BAIAP2L2: variants seen among roughly 807,000 people sequenced by gnomAD.
The protein encoded by BAIAP2L2 is BAR/IMD domain containing adaptor protein 2 like 2.
BAIAP2L2 carries 65 observed loss-of-function variants against 60.4 expected under a neutral mutation model. The observed-to-expected ratio is 1.08, with a 90% CI of 0.88 to 1.32. The LOEUF is 1.32. Among genes scored for constraint, BAIAP2L2 ranks in the 40% most tolerant of loss-of-function variants. The pLI is 0.00. For synonymous variants in BAIAP2L2, 344 were observed against 301.7 expected (o/e 1.14, Z -1.45); for missense variants, 836 against 741.2 (o/e 1.13, Z -1.48).
At chr22:38,092,974 C>T (rs1289099514) in intron 7 of BAIAP2L2, among the ~76,000 whole-genome samples, 1 of 152,048 alleles carries the variant, frequency 6.6e-6, no homozygotes, top group Non-Finnish European at 1.5e-5. Context: ...CAAGACCAGC[C>T]TGGCCAACAT....
At chr22:38,101,402 C>G (rs1417830452) in intron 4 of BAIAP2L2, among the ~76,000 whole-genome samples, 1 of 103,984 alleles carries the variant, frequency 9.6e-6, no homozygotes, top group Non-Finnish European at 1.9e-5. Context: ...AAAAAAAAAG[C>G]CAGACGTGGT....
chr22:38,104,439 T>C (rs1277726214), intron 4 of BAIAP2L2, among the ~76,000 whole-genome samples: 2 of 150,472 alleles, frequency 1.3e-5, no homozygotes, highest in Non-Finnish European at 3.0e-5. Context: ...ACAGACAAAG[T>C]GTAAGGAAAA....
chr22:38,088,423 A>G (rs1012428955), intron 10 of BAIAP2L2, among the ~76,000 whole-genome samples: 16 of 152,346 alleles, frequency 1.1e-4, no homozygotes, highest in African/African-American at 3.8e-4. Flanking sequence ...GCAGAGGGGA[A>G]GCAGCCTCCT....
intron 4 of BAIAP2L2, among the ~76,000 whole-genome samples, chr22:38,102,986 C>A (rs895301031): frequency 2.0e-5 from 3 of 151,020 alleles, no homozygotes; most frequent in African/African-American, 7.3e-5. Flanking sequence ...GCGGAGCTTG[C>A]AGTGAGCCGA....
chr22:38,101,546 CA>C (rs71195082), intron 4 of BAIAP2L2, among the ~76,000 whole-genome samples: 172 of 30,918 alleles, frequency 5.6e-3, no homozygotes, highest in Non-Finnish European at 7.6e-3. Context: ...GATCCTGTCT[CA>C]AAAAAAAAAA....
chr22:38,087,883 G>T, intron 10 of BAIAP2L2, among the ~76,000 whole-genome samples: 1 of 131,576 alleles, frequency 7.6e-6, no homozygotes, highest in Non-Finnish European at 1.6e-5. Context: ...TAACCACCCA[G>T]TCAGTGACCC....
chr22:38,110,792 A>G (rs776457032), upstream of BAIAP2L2: 12 of 492,726 alleles, frequency 2.4e-5, no homozygotes, highest in Non-Finnish European at 3.9e-5. Flanking sequence ...CTGCCCTTCA[A>G]TTATTCACCC....
intron 4 of BAIAP2L2, among the ~76,000 whole-genome samples, chr22:38,101,065 A>G (rs1342878576): frequency 4.6e-5 from 7 of 152,188 alleles, no homozygotes; most frequent in Non-Finnish European, 8.8e-5. Flanking sequence ...AATTGTCAAA[A>G]TCTGTTGAAC....
chr22:38,109,284 A>G, intron 1 of BAIAP2L2, 76 bp from the exon 2 acceptor site: 1 of 1,238,942 alleles, frequency 8.1e-7, no homozygotes, highest in Non-Finnish European at 1.2e-6. Flanking sequence ...GAGTCAAGTC[A>G]CCAGGCGTCA....
intron 4 of BAIAP2L2, among the ~76,000 whole-genome samples, chr22:38,103,913 A>G (rs1295376897): frequency 2.6e-5 from 4 of 152,078 alleles, no homozygotes; most frequent in East Asian, 1.9e-4. Flanking sequence ...GACATTTTCA[A>G]CTTCAGTAAA....
chr22:38,108,175 G>C, intron 3 of BAIAP2L2, 80 bp downstream of exon 3: 1 of 1,358,522 alleles, frequency 7.4e-7, no homozygotes, highest in Non-Finnish European at 1.0e-6. Flanking sequence ...GCCTGTGTCA[G>C]GGACTCGGGA....
intron 13 of BAIAP2L2, 135 bp downstream of exon 13, chr22:38,085,551 G>A (rs2086035794): frequency 1.5e-6 from 2 of 1,299,662 alleles, no homozygotes; most frequent in Admixed American, 1.7e-5. Flanking sequence ...GTCTCACAGT[G>A]TTGCTCAAGC....
chr22:38,107,816 G>C, intron 4 of BAIAP2L2, 36 bp downstream of exon 4: 1 of 1,598,228 alleles, frequency 6.3e-7, no homozygotes, highest in Non-Finnish European at 8.6e-7. Flanking sequence ...CACTTTCCTC[G>C]AGTGACCCCT....
chr22:38,101,778 C>T (rs60422811), intron 4 of BAIAP2L2, among the ~76,000 whole-genome samples: 6,053 of 151,874 alleles, frequency 0.04, 205 homozygotes, highest in East Asian at 0.12. Context: ...CGCTTGAACC[C>T]GGGAGGCAGA....
intron 7 of BAIAP2L2, chr22:38,093,828 C>T: frequency 2.2e-6 from 1 of 445,402 alleles, no homozygotes; most frequent in Non-Finnish European, 4.6e-6. Context: ...CCATATGGCC[C>T]CACAATTCTA....
At chr22:38,102,602 T>C (rs2086589339) in intron 4 of BAIAP2L2, among the ~76,000 whole-genome samples, 1 of 151,908 alleles carries the variant, frequency 6.6e-6, no homozygotes, top group South Asian at 2.1e-4. Flanking sequence ...GAAAGGCCCA[T>C]GAAACAGAAG....
At chr22:38,109,352 A>G in intron 1 of BAIAP2L2, 144 bp from the exon 2 acceptor site, 1 of 660,604 alleles carries the variant, frequency 1.5e-6, no homozygotes, top group Non-Finnish European at 2.7e-6. Context: ...CCCATCTACA[A>G]ACCTAGGCTC....
chr22:38,088,057 C>T (rs1256698689), intron 10 of BAIAP2L2, among the ~76,000 whole-genome samples: 1 of 152,236 alleles, frequency 6.6e-6, no homozygotes, highest in Non-Finnish European at 1.5e-5. Flanking sequence ...TGCCCATGCA[C>T]GCATTCATCC....
In BAIAP2L2 at chr22:38,104,492, ATTTC is replaced by A. The variant is rs1432775499; in HGVS notation, c.276+3356_276+3359del. 3.3e-5 allele frequency among the ~76,000 whole-genome samples: 5 copies of A among 149,300 alleles called. No homozygotes were observed. In the Admixed American group the frequency reaches 3.4e-4, roughly 10 times the overall value. On this transcript the variant is annotated intron_variant, in intron 4 of 13. Transcript: ENST00000381669. ...AACCCGGAGGTTCGAAGAGACTCAA[ATTTC>A]TTTTTTTTTTTTTTTTTGAGACGGA...
Sources: gnomAD v4.1 joint callset for allele counts (sites outside exome capture counted in the v4.1 genomes callset) on GRCh38, gnomAD v4.1.1 for gene constraint, MANE v1.5 for transcripts, NCBI Gene and HGNC (gene_info 2026-07-23, HGNC 2026-07-21) for gene names.